Variants in NHS observed in about 807,000 individuals in gnomAD.
NHS encodes actin remodeling regulator NHS.
In NHS, 5 loss-of-function variants were observed where a neutral mutation model predicts 72.5. The observed-to-expected ratio is 0.07, with a 90% CI of 0.04 to 0.14. NHS has a LOEUF of 0.14. Among genes scored for constraint, NHS ranks in the 10% least tolerant of loss-of-function variants. The pLI is 1.00. For missense variants in NHS, 1,072 were observed against 1,355.7 expected (o/e 0.79, Z 3.29); for synonymous variants, 464 against 547.7 (o/e 0.85, Z 2.13).
rs1234139242 is a variant in NHS at position 17,721,482 on chromosome X, G to T, written c.957G>T (p.Gly319=). The T allele has an allele frequency of 1.7e-6, 2 of 1,209,545 alleles. No individual in the cohort carries two copies. The highest frequency in any genetic ancestry group is 3.5e-5 in the African/African-American group (2 of 57,010). Reference sequence around the variant, plus strand: ...ATGAAGATACAGATGTCATGTTAGGGCAGAGGCCGAAAAACCCAATACACA... The same window carrying T: ...ATGAAGATACAGATGTCATGTTAGGTCAGAGGCCGAAAAACCCAATACACA... ...PEDEDTDVML[G]QRPKNPIHNI... Residue 319 remains glycine (G), a synonymous_variant, in exon 5 of 9, where the codon GGG becomes GGT. Transcript: ENST00000676302.
intron 1 of NHS, among the ~76,000 whole-genome samples, chrX:17,520,077 T>C (rs990899423): frequency 6.4e-5 from 7 of 108,593 alleles, no homozygotes; most frequent in Non-Finnish European, 1.3e-4. Context: ...GACACACACA[T>C]CAGAGTTAGT....
In NHS at chrX:17,544,098, C is replaced by T. The variant is rs967305645; in HGVS notation, c.566-143644C>T. Among the ~76,000 whole-genome samples, 16 of 112,451 alleles carry T rather than the reference C, an allele frequency of 1.4e-4. 1 individual carries two copies. The highest frequency in any genetic ancestry group is 3.7e-5 in the Non-Finnish European group (2 of 53,351). Reference sequence around the variant, plus strand: ...AACAATAGCTAATATCTCTTAAGTGCTTTGTCTCAGCCAGGCAGACGCTAT... The same window carrying T: ...AACAATAGCTAATATCTCTTAAGTGTTTTGTCTCAGCCAGGCAGACGCTAT... On this transcript the variant is annotated intron_variant, in intron 1 of 8. Transcript: ENST00000676302.
intron 1 of NHS, among the ~76,000 whole-genome samples, chrX:17,516,520 T>TA (rs2065120609): frequency 9.1e-6 from 1 of 109,765 alleles, no homozygotes; most frequent in Non-Finnish European, 1.9e-5. Flanking sequence ...GCCCCTCCTC[T>TA]GCCAATAAAT....
chrX:17,452,194 C>T (rs950064358), intron 1 of NHS, among the ~76,000 whole-genome samples: 6 of 111,169 alleles, frequency 5.4e-5, no homozygotes, highest in Admixed American at 9.6e-5. Flanking sequence ...GAAAGGGTTT[C>T]GGGGGCACAT....
intron 1 of NHS, among the ~76,000 whole-genome samples, chrX:17,382,945 C>T (rs2064385247): frequency 8.9e-6 from 1 of 112,167 alleles, no homozygotes; most frequent in Non-Finnish European, 1.9e-5. Flanking sequence ...AAGCAGCACT[C>T]AACCAAATAT....
At chrX:17,666,829 C>T (rs767973065) in intron 1 of NHS, among the ~76,000 whole-genome samples, 5 of 112,101 alleles carry the variant, frequency 4.5e-5, no homozygotes, top group South Asian at 3.7e-4. Context: ...CCTAGCAGCA[C>T]GCGAAAAGAG....
intron 1 of NHS, among the ~76,000 whole-genome samples, chrX:17,565,337 A>G (rs1206383934): frequency 8.9e-6 from 1 of 112,149 alleles, no homozygotes. Flanking sequence ...AATCCAGTCA[A>G]ATGAGTGAGT....
At chrX:17,446,353 C>T (rs1264267250) in intron 1 of NHS, among the ~76,000 whole-genome samples, 1 of 111,245 alleles carries the variant, frequency 9.0e-6, no homozygotes, top group African/African-American at 3.3e-5. Flanking sequence ...GTGACCCGCA[C>T]GTATACATCC....
At chrX:17,574,134 G>A (rs1187843258) in intron 1 of NHS, among the ~76,000 whole-genome samples, 1 of 111,870 alleles carries the variant, frequency 8.9e-6, no homozygotes, top group Non-Finnish European at 1.9e-5. Flanking sequence ...TGCTACACAG[G>A]GGTCAGGGAC....
At chrX:17,643,389 A>C (rs2065891291) in intron 1 of NHS, among the ~76,000 whole-genome samples, 1 of 111,374 alleles carries the variant, frequency 9.0e-6, no homozygotes, top group Non-Finnish European at 1.9e-5. Flanking sequence ...GTTATCATAC[A>C]GTGCCTTGGG....
intron 1 of NHS, among the ~76,000 whole-genome samples, chrX:17,392,220 A>G (rs1325507373): frequency 8.9e-6 from 1 of 112,081 alleles, no homozygotes; most frequent in Non-Finnish European, 1.9e-5. Flanking sequence ...GATGATTCCG[A>G]GGCCCTAAGG....
At chrX:17,411,944 T>G (rs182415185) in intron 1 of NHS, among the ~76,000 whole-genome samples, 1,321 of 111,598 alleles carry the variant, frequency 0.012, 18 homozygotes, top group African/African-American at 0.04. Flanking sequence ...TAGAATTATG[T>G]GTAGTTTCAT....
intron 1 of NHS, among the ~76,000 whole-genome samples, chrX:17,494,919 AATCACT>A (rs1255093941): frequency 8.9e-6 from 1 of 112,167 alleles, no homozygotes; most frequent in Non-Finnish European, 1.9e-5. Flanking sequence ...TGATGGTCAC[AATCACT>A]TCTTTGTGTT....
chrX:17,411,616 A>G (rs2064559159), intron 1 of NHS, among the ~76,000 whole-genome samples: 1 of 112,301 alleles, frequency 8.9e-6, no homozygotes, highest in African/African-American at 3.2e-5. Flanking sequence ...TTTTAAAAAA[A>G]GAAGACAATT....
At chrX:17,707,394 T>G (rs2066302500) in intron 3 of NHS, among the ~76,000 whole-genome samples, 1 of 112,427 alleles carries the variant, frequency 8.9e-6, no homozygotes, top group African/African-American at 3.2e-5. Context: ...ATATCAGGGA[T>G]TCTTTGTCAT....
chrX:17,721,350 C>T (rs890776934), intron 4 of NHS, 91 bp from the exon 5 acceptor site: 1 of 926,606 alleles, frequency 1.1e-6, no homozygotes, highest in Non-Finnish European at 1.6e-6. Flanking sequence ...TATTTCTGAC[C>T]TCATTTTTTC....
At chrX:17,398,420 C>G (rs2064486959) in intron 1 of NHS, among the ~76,000 whole-genome samples, 1 of 112,465 alleles carries the variant, frequency 8.9e-6, no homozygotes, top group Non-Finnish European at 1.9e-5. Context: ...AGCATGTGAA[C>G]AATCCAGGAA....
At chrX:17,688,715 CTG>C (rs1438037893) in intron 2 of NHS, among the ~76,000 whole-genome samples, 2 of 112,041 alleles carry the variant, frequency 1.8e-5, no homozygotes, top group Non-Finnish European at 3.8e-5. Flanking sequence ...TTGCCATACA[CTG>C]TGTCTCATGG....
chrX:17,539,748 A>G (rs774852903), intron 1 of NHS, among the ~76,000 whole-genome samples: 2 of 111,384 alleles, frequency 1.8e-5, no homozygotes, highest in Non-Finnish European at 3.8e-5. Flanking sequence ...CAGCTCACCA[A>G]TATCCAGCTC....
Sources: gnomAD v4.1 joint callset for allele counts (sites outside exome capture counted in the v4.1 genomes callset) on GRCh38, gnomAD v4.1.1 for gene constraint, MANE v1.5 for transcripts, NCBI Gene and HGNC (gene_info 2026-07-23, HGNC 2026-07-21) for gene names.